Variants in NAALADL2 observed in about 807,000 individuals in gnomAD.
NAALADL2 encodes the protein N-acetylated alpha-linked acidic dipeptidase like 2.
A neutral mutation model predicts 87.2 loss-of-function variants in NAALADL2; 76 were observed. That is an observed-to-expected ratio of 0.87 (90% CI 0.72 to 1.05). NAALADL2 has a LOEUF of 1.05. Among genes scored for constraint, NAALADL2 ranks in the 50% least tolerant of loss-of-function variants. The pLI, the probability that NAALADL2 is intolerant of heterozygous loss-of-function variation, is 0.00. For synonymous variants in NAALADL2, 354 were observed against 331.0 expected (o/e 1.07, Z -0.75); for missense variants, 1,089 against 945.8 (o/e 1.15, Z -1.99).
intron 11 of NAALADL2, among the ~76,000 whole-genome samples, chr3:175,677,312 A>C (rs1734922792): frequency 6.6e-6 from 1 of 152,138 alleles, no homozygotes; most frequent in Non-Finnish European, 1.5e-5. Context: ...GCAGTGAGCC[A>C]AGATCGTGCC....
At chr3:175,637,538 G>T (rs2151609) in intron 11 of NAALADL2, among the ~76,000 whole-genome samples, 38,831 of 151,918 alleles carry the variant, frequency 0.26, 5,561 homozygotes, top group African/African-American at 0.4. Context: ...AAATAAGTGA[G>T]TTCCCACTAG....
intron 2 of NAALADL2, among the ~76,000 whole-genome samples, chr3:174,552,282 A>G (rs1027286748): frequency 4.6e-5 from 7 of 152,216 alleles, no homozygotes; most frequent in South Asian, 2.1e-4. Flanking sequence ...GGTAATGCTC[A>G]GGGAGATTAA....
At chr3:175,086,090 G>T (rs1345606352) in intron 1 of NAALADL2, among the ~76,000 whole-genome samples, 1 of 152,186 alleles carries the variant, frequency 6.6e-6, no homozygotes, top group African/African-American at 2.4e-5. Flanking sequence ...AAAACAGCAG[G>T]TTAAGGATAA....
rs180741118 is a variant in NAALADL2, at chr3:175,806,583, A to G, written c.*3380A>G. The G allele has an allele frequency of 6.6e-5, 10 of 151,988 alleles. No individual in the cohort carries two copies. The highest frequency in any genetic ancestry group is 1.9e-4 in the East Asian group (1 of 5,170). 9.4% of individuals were successfully genotyped at this position (151,988 alleles called of 1,614,324 possible). ...TGTTATTAATGGAATCATTATGAGAAAAGAAAAGTGGACCCATTTTATCTC... is the reference window on the plus strand; with the variant it reads ...TGTTATTAATGGAATCATTATGAGAGAAGAAAAGTGGACCCATTTTATCTC... On this transcript the variant is annotated 3_prime_UTR_variant, in exon 14 of 14. Coordinates refer to ENST00000454872, the MANE Select transcript of NAALADL2 (RefSeq NM_207015.3).
intron 2 of NAALADL2, among the ~76,000 whole-genome samples, chr3:174,657,241 T>C (rs575381808): frequency 2.1e-4 from 32 of 152,098 alleles, no homozygotes; most frequent in African/African-American, 7.0e-4. Flanking sequence ...GCCATGTTGC[T>C]GGTCTCGAAC....
intron 1 of NAALADL2, among the ~76,000 whole-genome samples, chr3:174,974,069 G>A (rs1300586727): frequency 6.6e-6 from 1 of 152,136 alleles, no homozygotes; most frequent in African/African-American, 2.4e-5. Flanking sequence ...ACATACATTT[G>A]ATTTTTGTCA....
chr3:174,714,847 G>A (rs976972723), intron 2 of NAALADL2, among the ~76,000 whole-genome samples: 1 of 152,188 alleles, frequency 6.6e-6, no homozygotes, highest in African/African-American at 2.4e-5. Flanking sequence ...GAATAGGAGT[G>A]TTGAGAGAGG....
chr3:174,596,361 A>C (rs994096670), intron 2 of NAALADL2, among the ~76,000 whole-genome samples: 1 of 152,130 alleles, frequency 6.6e-6, no homozygotes. Flanking sequence ...CCAATTTTAT[A>C]TATATTATTG....
intron 4 of NAALADL2, among the ~76,000 whole-genome samples, chr3:175,295,745 A>ACT (rs1553851741): frequency 1.4e-5 from 2 of 145,420 alleles, no homozygotes; most frequent in Non-Finnish European, 3.0e-5. Flanking sequence ...ACACACACAC[A>ACT]CTCCCTCTCT....
chr3:175,756,943 TG>T (rs2150137436), intron 13 of NAALADL2, among the ~76,000 whole-genome samples: 1 of 151,458 alleles, frequency 6.6e-6, no homozygotes, highest in East Asian at 1.9e-4. Context: ...ACATATTTAA[TG>T]TATGTATATG....
chr3:175,591,708 C>T (rs1721473629), intron 10 of NAALADL2, among the ~76,000 whole-genome samples: 1 of 150,736 alleles, frequency 6.6e-6, no homozygotes, highest in Non-Finnish European at 1.5e-5. Flanking sequence ...CTGAGTGACT[C>T]ATTTAACATT....
At position 175,104,410 on chromosome 3, in the gene NAALADL2, T is replaced by C. The variant is rs535660661; in HGVS notation, c.545+7119T>C. Among the ~76,000 whole-genome samples the C allele has an allele frequency of 5.9e-5, 9 of 152,182 alleles. No homozygotes were observed. In the South Asian group the frequency reaches 6.2e-4, roughly 10 times the overall value. On this transcript the variant is annotated intron_variant, in intron 2 of 13. Coordinates refer to ENST00000454872, the MANE Select transcript of NAALADL2 (RefSeq NM_207015.3). Reference sequence around the variant, plus strand: ...AATATATTTTTCACTGACATGCTTTTGTACAAACATAAGATGTTGCTGTTG... The same window carrying C: ...AATATATTTTTCACTGACATGCTTTCGTACAAACATAAGATGTTGCTGTTG...
chr3:175,091,717 T>C (rs1200158890), intron 1 of NAALADL2, among the ~76,000 whole-genome samples: 1 of 152,040 alleles, frequency 6.6e-6, no homozygotes, highest in Non-Finnish European at 1.5e-5. Flanking sequence ...CAGAATTCTT[T>C]ACGATGGAAA....
intron 1 of NAALADL2, among the ~76,000 whole-genome samples, chr3:175,031,610 T>C (rs553834326): frequency 1.1e-4 from 16 of 152,130 alleles, no homozygotes; most frequent in Admixed American, 2.6e-4. Flanking sequence ...GGTAGAACGA[T>C]TTATTTTCTT....
At chr3:174,736,715 G>C (rs1037581065) in intron 2 of NAALADL2, among the ~76,000 whole-genome samples, 1 of 152,114 alleles carries the variant, frequency 6.6e-6, no homozygotes, top group East Asian at 1.9e-4. Context: ...TGGTCCATCA[G>C]CCCAGCCCCC....
chr3:175,275,573 T>A (rs1255784098), intron 4 of NAALADL2, among the ~76,000 whole-genome samples: 2 of 151,080 alleles, frequency 1.3e-5, no homozygotes, highest in African/African-American at 4.9e-5. Context: ...GGCAGTAAAC[T>A]GTCTCCTTGT....
chr3:175,364,413 T>A lies in NAALADL2; in HGVS notation c.1090+40088T>A, dbSNP rs755601071. ...AGATGGCAGGAGAAATGTAGCAAATTTCAGGTTCTGAGGAATTGATTTGAA... is the reference window on the plus strand; with the variant it reads ...AGATGGCAGGAGAAATGTAGCAAATATCAGGTTCTGAGGAATTGATTTGAA... On this transcript the variant is annotated intron_variant, in intron 5 of 13. Transcript: ENST00000454872. 1.0e-4 allele frequency among the ~76,000 whole-genome samples: 15 copies of A among 147,764 alleles called. 2 individuals are homozygous for A. The highest frequency in any genetic ancestry group is 1.7e-4 in the Non-Finnish European group (11 of 66,362).
At chr3:175,423,961 A>G (rs191383525) in intron 5 of NAALADL2, among the ~76,000 whole-genome samples, 2 of 152,208 alleles carry the variant, frequency 1.3e-5, no homozygotes, top group East Asian at 3.9e-4. Context: ...AGCCTTTCTA[A>G]CTGGTGTGAG....
chr3:175,771,105 C>T (rs771699862), intron 13 of NAALADL2, among the ~76,000 whole-genome samples: 3 of 152,004 alleles, frequency 2.0e-5, no homozygotes, highest in Non-Finnish European at 4.4e-5. Flanking sequence ...TTGATGAGTA[C>T]CTATGCTTCA....
Sources: allele counts gnomAD v4.1 joint callset (sites outside exome capture counted in the v4.1 genomes callset), GRCh38; gene constraint gnomAD v4.1.1; transcripts MANE v1.5; gene names NCBI Gene and HGNC (gene_info 2026-07-23, HGNC 2026-07-21).